TBC1D8: variants seen among roughly 807,000 people sequenced by gnomAD.
The protein encoded by TBC1D8 is BUB2-like protein 1.
Under a neutral mutation model 118.8 loss-of-function variants are expected in TBC1D8, and 65 were observed. That is an observed-to-expected ratio of 0.55 (90% CI 0.45 to 0.67). The LOEUF (loss-of-function observed/expected upper bound fraction) is 0.67. TBC1D8 is among the 30% of genes least tolerant of loss of function. The pLI, the probability that TBC1D8 is intolerant of heterozygous loss-of-function variation, is 0.00. For missense variants in TBC1D8, 1,376 were observed against 1,471.2 expected (o/e 0.94, Z 1.06); for synonymous variants, 566 against 595.8 (o/e 0.95, Z 0.73).
At chr2:101,059,581 A>T in intron 2 of TBC1D8, 42 bp from the exon 3 acceptor site, 1 of 1,456,444 alleles carries the variant, frequency 6.9e-7, no homozygotes. Context: ...AAAAAATGCA[A>T]TAGAAGTAAT....
chr2:101,111,426 C>T (rs961192820), intron 1 of TBC1D8, among the ~76,000 whole-genome samples: 2 of 152,178 alleles, frequency 1.3e-5, no homozygotes, highest in African/African-American at 2.4e-5. Flanking sequence ...GCTGGTGGAA[C>T]GAGCCTGCCG....
intron 2 of TBC1D8, among the ~76,000 whole-genome samples, chr2:101,073,438 G>A (rs1296649491): frequency 2.0e-5 from 3 of 151,864 alleles, no homozygotes; most frequent in Admixed American, 6.6e-5. Context: ...GGGAATACAG[G>A]TGCCCGCCAC....
At chr2:101,015,526 G>A (rs1311208356) in intron 17 of TBC1D8, among the ~76,000 whole-genome samples, 1 of 152,042 alleles carries the variant, frequency 6.6e-6, no homozygotes, top group East Asian at 1.9e-4. Context: ...CAAACACATT[G>A]TACAGCTGTG....
At chr2:101,020,537 A>G (rs1021691115) in intron 17 of TBC1D8, among the ~76,000 whole-genome samples, 32 of 152,204 alleles carry the variant, frequency 2.1e-4, no homozygotes, top group African/African-American at 6.5e-4. Flanking sequence ...AACAATTTGC[A>G]CTCAAGTCAT....
chr2:101,134,365 T>C (rs1019161825), intron 1 of TBC1D8, among the ~76,000 whole-genome samples: 1 of 152,198 alleles, frequency 6.6e-6, no homozygotes, highest in Non-Finnish European at 1.5e-5. Flanking sequence ...TTAGAGTCTT[T>C]ATAAATTTTA....
At chr2:101,091,282 T>C (rs1008712980) in intron 1 of TBC1D8, among the ~76,000 whole-genome samples, 20 of 152,040 alleles carry the variant, frequency 1.3e-4, no homozygotes, top group African/African-American at 4.3e-4. Flanking sequence ...CGAAACTCCA[T>C]CTCAAAAAAA....
At chr2:101,068,526 TG>T in intron 2 of TBC1D8, 2 of 492,874 alleles carry the variant, frequency 4.1e-6, no homozygotes, top group Non-Finnish European at 7.4e-6. Flanking sequence ...ACCACAGTGG[TG>T]GTATGTAAAC....
intron 2 of TBC1D8, among the ~76,000 whole-genome samples, chr2:101,081,885 T>A (rs1427811748): frequency 6.6e-6 from 1 of 152,198 alleles, no homozygotes; most frequent in African/African-American, 2.4e-5. Flanking sequence ...ATGCCTGCAA[T>A]CCCAGCACTT....
At chr2:101,030,030 C>G (rs1437013152) in intron 11 of TBC1D8, 5 of 397,174 alleles carry the variant, frequency 1.3e-5, no homozygotes, top group Non-Finnish European at 2.3e-5. Flanking sequence ...ACACTAGCCC[C>G]TACCTCACAC....
chr2:101,047,251 C>G (rs1681768265), intron 5 of TBC1D8, among the ~76,000 whole-genome samples: 1 of 152,208 alleles, frequency 6.6e-6, no homozygotes, highest in African/African-American at 2.4e-5. Context: ...ACAATGCACC[C>G]CCTACCCTCC....
At chr2:101,148,901 C>T (rs1380518857) in intron 1 of TBC1D8, among the ~76,000 whole-genome samples, 3 of 152,054 alleles carry the variant, frequency 2.0e-5, no homozygotes, top group African/African-American at 7.2e-5. Context: ...TTCCAAAAAC[C>T]GCCACCACCA....
chr2:101,091,755 C>T (rs1676051394), intron 1 of TBC1D8, among the ~76,000 whole-genome samples: 1 of 152,118 alleles, frequency 6.6e-6, no homozygotes, highest in African/African-American at 2.4e-5. Context: ...TCCTTGATTG[C>T]CTGGGAATCT....
intron 2 of TBC1D8, among the ~76,000 whole-genome samples, chr2:101,079,958 T>C (rs1675153712): frequency 6.6e-6 from 1 of 152,038 alleles, no homozygotes; most frequent in Non-Finnish European, 1.5e-5. Flanking sequence ...AGTGCTGGGA[T>C]TACAGGTGTG....
At chr2:101,054,471 C>A in intron 3 of TBC1D8, 135 bp from the exon 4 acceptor site, 1 of 818,508 alleles carries the variant, frequency 1.2e-6, no homozygotes, top group Non-Finnish European at 1.9e-6. Context: ...ACAGACACAC[C>A]TGACGAGGAG....
intron 11 of TBC1D8, 130 bp downstream of exon 11, chr2:101,032,138 A>G: frequency 2.4e-6 from 2 of 831,656 alleles, no homozygotes; most frequent in South Asian, 3.4e-5. Flanking sequence ...TTCAGGAGTC[A>G]AACTGTGTTT....
At chr2:101,145,599 A>T (rs1679287639) in intron 1 of TBC1D8, among the ~76,000 whole-genome samples, 1 of 152,236 alleles carries the variant, frequency 6.6e-6, no homozygotes, top group Non-Finnish European at 1.5e-5. Flanking sequence ...CCTTCTGATA[A>T]GAGTCCTTCT....
Position 101,024,828 on chromosome 2 carries a change from G to A in TBC1D8, c.2521-2307C>T, listed in dbSNP as rs532227046. Reference sequence around the variant, plus strand: ...CCCATTCTACAGAATCAGCAGCACTGGGGTCCAGGAAATGCACAGGTGCTC... The same window carrying A: ...CCCATTCTACAGAATCAGCAGCACTAGGGTCCAGGAAATGCACAGGTGCTC... On this transcript the variant is annotated intron_variant, in intron 15 of 19. Transcript: ENST00000409318. Among the ~76,000 whole-genome samples, 5 of 152,292 alleles carry A rather than the reference G, an allele frequency of 3.3e-5. No homozygotes were observed. The South Asian group carries it at 8.3e-4, about 25-fold the overall frequency.
intron 1 of TBC1D8, among the ~76,000 whole-genome samples, chr2:101,121,047 G>C (rs1488040749): frequency 6.6e-6 from 1 of 152,198 alleles, no homozygotes; most frequent in Non-Finnish European, 1.5e-5. Context: ...CAAGTAGCAT[G>C]ATAACGTTGA....
At chr2:101,090,548 G>A (rs1675971374) in intron 1 of TBC1D8, among the ~76,000 whole-genome samples, 184 bp from the exon 2 acceptor site, 1 of 152,350 alleles carries the variant, frequency 6.6e-6, no homozygotes, top group African/African-American at 2.4e-5. Flanking sequence ...GTCTGCATCC[G>A]CAGCAGGACC....
Sources: allele counts gnomAD v4.1 joint callset (sites outside exome capture counted in the v4.1 genomes callset), GRCh38; gene constraint gnomAD v4.1.1; transcripts MANE v1.5; gene names NCBI Gene and HGNC (gene_info 2026-07-23, HGNC 2026-07-21).